Variants in SANBR observed in about 807,000 individuals in gnomAD.
The protein encoded by SANBR is SANT and BTB domain regulator of CSR, also known as SANT and BTB domain regulator of class switch recombination.
Under a neutral mutation model 101.8 loss-of-function variants are expected in SANBR, and 77 were observed. The ratio of observed to expected loss-of-function variants is 0.76; its 90% CI spans 0.63 to 0.91. The LOEUF (loss-of-function observed/expected upper bound fraction) is 0.91, where lower values mean the gene tolerates loss of function less well. SANBR is among the 40% of genes least tolerant of loss of function. The pLI, the probability that SANBR is intolerant of heterozygous loss-of-function variation, is 0.00. For synonymous variants in SANBR, 279 were observed against 274.7 expected, an observed-to-expected ratio of 1.02 and a Z score of -0.15; for missense variants, 875 against 853.0, an observed-to-expected ratio of 1.03 and a Z score of -0.32.
chr2:61,126,805 C>G (rs1039180406), downstream of SANBR, among the ~76,000 whole-genome samples: 1 of 150,616 alleles, frequency 6.6e-6, no homozygotes, highest in Non-Finnish European at 1.5e-5. Context: ...CCAACCTACA[C>G]TAGTCCTACA....
chr2:61,132,005 A>G (rs1328501224), intron 20 of SANBR, among the ~76,000 whole-genome samples: 6 of 152,250 alleles, frequency 3.9e-5, no homozygotes, highest in Non-Finnish European at 7.3e-5. Flanking sequence ...ACATCACACC[A>G]TATGTAAAAA....
At chr2:61,072,186 G>A (rs773933845) in intron 4 of SANBR, among the ~76,000 whole-genome samples, 1 of 152,094 alleles carries the variant, frequency 6.6e-6, no homozygotes, top group Non-Finnish European at 1.5e-5. Flanking sequence ...CCATCCGTCC[G>A]CCTCAGCTTC....
At chr2:61,066,924 G>T (rs564459255) in intron 1 of SANBR, among the ~76,000 whole-genome samples, 3 of 152,100 alleles carry the variant, frequency 2.0e-5, no homozygotes, top group Admixed American at 6.5e-5. Flanking sequence ...GGTAAATAAC[G>T]TATTTTACCT....
At chr2:61,100,112 CGTTT>C (rs998106900) in intron 12 of SANBR, among the ~76,000 whole-genome samples, 39 of 151,898 alleles carry the variant, frequency 2.6e-4, no homozygotes, top group Non-Finnish European at 4.7e-4. Flanking sequence ...GGGGGTTTTT[CGTTT>C]GTTTGTTTGA....
intron 1 of SANBR, chr2:61,066,573 C>T (rs1681178838): frequency 6.6e-6 from 1 of 152,544 alleles, no homozygotes; most frequent in African/African-American, 2.4e-5. Context: ...AAGGCTTCTT[C>T]CCGGTCCGGG....
At position 61,122,734 on chromosome 2, in the gene SANBR, A is replaced by G. The variant is rs1430161856; in HGVS notation, c.*572A>G. 1 of 985,354 alleles carries G rather than the reference A, an allele frequency of 1.0e-6. No individual in the cohort carries two copies. The highest frequency in any genetic ancestry group is 1.2e-6 in the Non-Finnish European group (1 of 829,886). The allele number at this position is 985,354 out of a possible 1,614,324, so 61.0% of individuals were successfully genotyped here. A position where few individuals can be genotyped will look rare whatever the true frequency, so the allele number is the denominator to read the frequency against. On this transcript the variant is annotated 3_prime_UTR_variant, in exon 22 of 22. Transcript: ENST00000402291. The stretch of plus-strand genomic sequence containing the variant: ...CAGTACTGTGTTGGGCAGAAGGGTT[A>G]ATTTTTTTCAGCATTATATCGTGGA...
chr2:61,077,348 G>C (rs779539786), intron 6 of SANBR, among the ~76,000 whole-genome samples, 190 bp downstream of exon 6: 15 of 152,174 alleles, frequency 9.9e-5, no homozygotes, highest in Non-Finnish European at 1.9e-4. Flanking sequence ...CAAATGAACA[G>C]ATCTCTAGAT....
intron 16 of SANBR, among the ~76,000 whole-genome samples, chr2:61,111,165 G>A (rs1467648398): frequency 5.3e-5 from 8 of 152,156 alleles, no homozygotes; most frequent in African/African-American, 1.7e-4. Flanking sequence ...AGGCCGAGGC[G>A]GGCGGATCAC....
At chr2:61,132,328 AAAAT>A (rs1684713504) in intron 20 of SANBR, among the ~76,000 whole-genome samples, 1 of 151,908 alleles carries the variant, frequency 6.6e-6, no homozygotes, top group Admixed American at 6.5e-5. Context: ...ATTTAAAAGA[AAAAT>A]AACCCAATTT....
At chr2:61,104,133 A>G in intron 13 of SANBR, 135 bp downstream of exon 13, 2 of 729,406 alleles carry the variant, frequency 2.7e-6, no homozygotes, top group South Asian at 1.9e-5. Context: ...CTGAAATTAT[A>G]TGTTAGCTTA....
intron 12 of SANBR, among the ~76,000 whole-genome samples, chr2:61,098,112 T>G (rs928166073): frequency 4.0e-5 from 6 of 148,656 alleles, no homozygotes; most frequent in East Asian, 3.9e-4. Context: ...TTTTTTTGTT[T>G]TTTTTTTTTG....
intron 16 of SANBR, 56 bp downstream of exon 16, chr2:61,109,352 G>T: frequency 2.0e-6 from 2 of 1,007,482 alleles, no homozygotes; most frequent in Non-Finnish European, 1.5e-6. Context: ...GTTACATTCT[G>T]AAGCCTTTAA....
chr2:61,073,854 C>G (rs1681614017), intron 5 of SANBR, among the ~76,000 whole-genome samples: 1 of 151,898 alleles, frequency 6.6e-6, no homozygotes. Context: ...AACTGTATGC[C>G]ATTAATTCTC....
intron 7 of SANBR, among the ~76,000 whole-genome samples, chr2:61,082,648 G>A (rs1259302850): frequency 6.6e-6 from 1 of 152,116 alleles, no homozygotes; most frequent in Non-Finnish European, 1.5e-5. Flanking sequence ...GTGAAACGCT[G>A]TATCTACTAA....
chr2:61,088,290 T>C lies in SANBR; in HGVS notation c.977+45T>C, dbSNP rs1376484762. ...TCTTTGGTGTACTTTATAATGCAGC[T>C]ATATTCTTTAATTTACTACATTTAC... On this transcript the variant is annotated intron_variant, in intron 9 of 21. Coordinates refer to ENST00000402291, the MANE Select transcript of SANBR (RefSeq NM_001129993.3). 4.5e-6 allele frequency: 7 copies of C among 1,568,688 alleles called. No individual in the cohort carries two copies. The East Asian group carries it at 1.6e-4, about 35-fold the overall frequency.
At chr2:61,119,268 T>C (rs1661659042) in intron 20 of SANBR, among the ~76,000 whole-genome samples, 1 of 152,256 alleles carries the variant, frequency 6.6e-6, no homozygotes, top group Non-Finnish European at 1.5e-5. Context: ...AAAAATTTAC[T>C]TCCCTATAAA....
At chr2:61,098,101 GTTTT>G (rs1683117296) in intron 12 of SANBR, among the ~76,000 whole-genome samples, 4 of 98,276 alleles carry the variant, frequency 4.1e-5, no homozygotes, top group African/African-American at 2.4e-4. Flanking sequence ...TTTGTTTTTT[GTTTT>G]TTTGTTTTTT....
chr2:61,105,396 C>T (rs1255627711), intron 13 of SANBR, among the ~76,000 whole-genome samples: 1 of 151,750 alleles, frequency 6.6e-6, no homozygotes, highest in African/African-American at 2.4e-5. Flanking sequence ...GTTGGAGTTT[C>T]GCTCTTGTTG....
chr2:61,090,290 A>G (rs1682671823), intron 10 of SANBR: 1 of 152,274 alleles, frequency 6.6e-6, no homozygotes, highest in Admixed American at 6.5e-5. Context: ...TTTCTATATT[A>G]CAAATTTATA....
Sources: gnomAD v4.1 joint callset for allele counts (sites outside exome capture counted in the v4.1 genomes callset) on GRCh38, gnomAD v4.1.1 for gene constraint, MANE v1.5 for transcripts, NCBI Gene and HGNC (gene_info 2026-07-23, HGNC 2026-07-21) for gene names.